Variants in MET observed in about 807,000 individuals in gnomAD.
MET encodes the protein MET proto-oncogene, receptor tyrosine kinase.
Under a neutral mutation model 133.1 loss-of-function variants are expected in MET, and 48 were observed. The ratio of observed to expected loss-of-function variants is 0.36; its 90% confidence interval spans 0.29 to 0.46. MET has a LOEUF of 0.46. MET is among the 20% of genes least tolerant of loss of function. MET has a pLI of 1.00. For synonymous variants in MET, 628 were observed against 616.5 expected, an observed-to-expected ratio of 1.02 and a Z score of -0.28; for missense variants, 1,442 against 1,695.9, an observed-to-expected ratio of 0.85 and a Z score of 2.63.
chr7:116,775,146 A>G, intron 15 of MET, 35 bp downstream of exon 15: 1 of 1,598,248 alleles, frequency 6.3e-7, no homozygotes, highest in South Asian at 1.1e-5. Flanking sequence ...GTTAAATACG[A>G]TTTTCCAGTA....
intron 19 of MET, among the ~76,000 whole-genome samples, chr7:116,784,041 C>T (rs1282244470): frequency 6.6e-6 from 1 of 152,200 alleles, no homozygotes. Context: ...TCCCCTTCCA[C>T]CATATGGAGA....
intron 3 of MET, among the ~76,000 whole-genome samples, chr7:116,735,550 T>A (rs2116805015): frequency 6.6e-6 from 1 of 152,302 alleles, no homozygotes; most frequent in East Asian, 1.9e-4. Context: ...GCATCATGTT[T>A]GGAATTACTG....
At chr7:116,700,837 T>C (rs1456902764) in intron 2 of MET, among the ~76,000 whole-genome samples, 1 of 152,202 alleles carries the variant, frequency 6.6e-6, no homozygotes, top group Non-Finnish European at 1.5e-5. Flanking sequence ...GAAATGCTGG[T>C]AAATAAAACA....
intron 15 of MET, among the ~76,000 whole-genome samples, chr7:116,776,925 T>C (rs1795010344): frequency 6.6e-6 from 1 of 152,228 alleles, no homozygotes; most frequent in African/African-American, 2.4e-5. Context: ...AATCCTATTT[T>C]TAATGGTAAC....
chr7:116,748,497 G>C (rs993440131), intron 5 of MET, among the ~76,000 whole-genome samples: 1 of 152,190 alleles, frequency 6.6e-6, no homozygotes, highest in Admixed American at 6.5e-5. Context: ...GAAATTTGTA[G>C]CACTAAATGC....
Position 116,716,515 on chromosome 7 carries a change from AAGAAAG to A in MET, c.1201-15151_1201-15146del, listed in dbSNP as rs1792239456. Among the ~76,000 whole-genome samples, 10 of 151,910 alleles carry A rather than the reference AAGAAAG, an allele frequency of 6.6e-5. No individual in the cohort carries two copies. In the South Asian group the frequency reaches 2.1e-3, roughly 32 times the overall value. On this transcript the variant is annotated intron_variant, in intron 2 of 20. Coordinates refer to ENST00000397752, the MANE Select transcript of MET (RefSeq NM_000245.4). The stretch of plus-strand genomic sequence containing the variant: ...AAAGAAAGAAAGAAAGAAAGAAAGA[AAGAAAG>A]AAAGAAAGAAAGAAAGAAGATATGA...
intron 10 of MET, 90 bp downstream of exon 10, chr7:116,759,580 C>T (rs758381357): frequency 2.6e-5 from 38 of 1,444,150 alleles, no homozygotes; most frequent in African/African-American, 1.1e-4. Context: ...ATCTCAGTTT[C>T]GCCTTTAAGG....
chr7:116,684,497 A>G (rs1796476805), intron 1 of MET, among the ~76,000 whole-genome samples: 1 of 152,240 alleles, frequency 6.6e-6, no homozygotes, highest in South Asian at 2.1e-4. Flanking sequence ...GTTTGAGCAC[A>G]TAGGAGAGTT....
chr7:116,754,987 A>AGAAAGAAAGAAAG (rs1794106793), intron 5 of MET, among the ~76,000 whole-genome samples: 2 of 136,278 alleles, frequency 1.5e-5, no homozygotes, highest in Non-Finnish European at 3.1e-5. Flanking sequence ...GAGAAAGGAA[A>AGAAAGAAAGAAAG]GAAAGAAAGA....
At chr7:116,741,405 T>C (rs1793449568) in intron 5 of MET, among the ~76,000 whole-genome samples, 1 of 152,180 alleles carries the variant, frequency 6.6e-6, no homozygotes, top group Non-Finnish European at 1.5e-5. Context: ...ACTCACCCAC[T>C]CTCTGATTCC....
intron 12 of MET, among the ~76,000 whole-genome samples, chr7:116,770,487 C>T (rs73471127): frequency 0.029 from 4,363 of 152,192 alleles, 215 homozygotes; most frequent in African/African-American, 0.098. Flanking sequence ...ATTTCATTCA[C>T]AGTGTTGTAT....
At position 116,763,168 on chromosome 7, in the gene MET, C is replaced by A. The variant is rs2116955919; in HGVS notation, c.2483C>A (p.Ser828Tyr). 4 of 1,614,016 alleles carry A rather than the reference C, an allele frequency of 2.5e-6. No homozygotes were observed. Among genetic ancestry groups the A allele is most frequent in the Non-Finnish European group, 2.5e-6 (3 of 1,179,966 alleles). ...KAFFMLDGIL[S>Y]KYFDLIYVHN... is the part of the protein sequence containing the mutation. ...TTTTTCATGTTAGATGGGATCCTTT[C>A]CAAATACTTTGATCTCATTTATGTA... is the stretch of plus-strand genomic sequence containing the variant. Residue 828 changes from serine to tyrosine, a missense_variant, in exon 11 of 21, where the codon TCC becomes TAC. Physicochemically the swap from Ser to Tyr is moderately radical, Grantham distance 144 (BLOSUM62 -2). Transcript: ENST00000397752.
At chr7:116,790,875 G>A (rs1178717003) in intron 19 of MET, among the ~76,000 whole-genome samples, 4 of 152,114 alleles carry the variant, frequency 2.6e-5, no homozygotes, top group African/African-American at 7.2e-5. Context: ...TTAGGAGTTC[G>A]AGACCAGCCT....
chr7:116,722,700 T>A (rs1177464546), intron 2 of MET, among the ~76,000 whole-genome samples: 1 of 149,010 alleles, frequency 6.7e-6, no homozygotes, highest in Non-Finnish European at 1.5e-5. Flanking sequence ...CTCTCAGCAT[T>A]TGCTTGTCTG....
chr7:116,790,109 A>G (rs974488355), intron 19 of MET, among the ~76,000 whole-genome samples: 6 of 152,222 alleles, frequency 3.9e-5, no homozygotes, highest in Non-Finnish European at 7.3e-5. Context: ...AGCTTCATCC[A>G]TGTCCCTGCA....
intron 1 of MET, among the ~76,000 whole-genome samples, chr7:116,677,064 C>G (rs1159529716): frequency 1.3e-5 from 2 of 151,784 alleles, no homozygotes; most frequent in Non-Finnish European, 1.5e-5. Flanking sequence ...ATACTCCATC[C>G]TCTATCAGAG....
chr7:116,739,324 G>A (rs1299745767), intron 3 of MET, among the ~76,000 whole-genome samples: 1 of 152,086 alleles, frequency 6.6e-6, no homozygotes, highest in Non-Finnish European at 1.5e-5. Flanking sequence ...AAACCATCAG[G>A]CCTTATTTTA....
At chr7:116,788,003 A>G (rs768666216) in intron 19 of MET, among the ~76,000 whole-genome samples, 15 of 152,242 alleles carry the variant, frequency 9.9e-5, no homozygotes, top group Non-Finnish European at 2.9e-5. Flanking sequence ...ATCAACATAA[A>G]GGAATTACTG....
intron 2 of MET, among the ~76,000 whole-genome samples, chr7:116,721,277 A>G (rs368000670): frequency 1.3e-5 from 2 of 152,062 alleles, no homozygotes; most frequent in East Asian, 1.9e-4. Context: ...TTTGCGTAGA[A>G]GTGTTTGTAG....
Sources: allele counts gnomAD v4.1 joint callset (sites outside exome capture counted in the v4.1 genomes callset), GRCh38; gene constraint gnomAD v4.1.1; transcripts MANE v1.5; gene names NCBI Gene and HGNC (gene_info 2026-07-23, HGNC 2026-07-21).